PHACTR1: variants seen among roughly 807,000 people sequenced by gnomAD.
PHACTR1 encodes the protein RPEL repeat containing 1.
In PHACTR1, 16 loss-of-function variants were observed where a neutral mutation model predicts 69.2. The observed-to-expected ratio is 0.23, with a 90% CI of 0.16 to 0.35. The LOEUF is 0.35. Among genes scored for constraint, PHACTR1 ranks in the 10% least tolerant of loss-of-function variants. The pLI, the probability that PHACTR1 is intolerant of heterozygous loss-of-function variation, is 1.00. For synonymous variants in PHACTR1, 312 were observed against 284.5 expected, an observed-to-expected ratio of 1.10 and a Z score of -0.97; for missense variants, 510 against 734.7, an observed-to-expected ratio of 0.69 and a Z score of 3.54.
intron 4 of PHACTR1, among the ~76,000 whole-genome samples, chr6:12,757,032 G>GAT (rs1767408019): frequency 6.6e-6 from 1 of 152,134 alleles, no homozygotes; most frequent in South Asian, 2.1e-4. Flanking sequence ...AGAAACGTTA[G>GAT]ATATATCAGT....
rs144957184 is a variant in PHACTR1, at chr6:13,063,208, C to A, written c.415+9679C>A. Among the ~76,000 whole-genome samples the A allele has an allele frequency of 1.0e-3, 156 of 152,278 alleles. 2 individuals carry two copies. Among genetic ancestry groups the A allele is most frequent in the African/African-American group, 3.6e-3 (148 of 41,564 alleles). ...GCAACAGTGAGGACGGACATGGCCC[C>A]TACCTCCCAAAGGTTATGTCTTAAA... On this transcript the variant is annotated intron_variant, in intron 5 of 14. Coordinates refer to ENST00000332995, the MANE Select transcript of PHACTR1 (RefSeq NM_030948.6).
chr6:12,859,383 T>C (rs1020434061), intron 4 of PHACTR1, among the ~76,000 whole-genome samples: 8 of 152,226 alleles, frequency 5.3e-5, no homozygotes. Context: ...ATAAATATAG[T>C]ATATGTACAC....
chr6:13,028,433 T>C (rs1440003145), intron 4 of PHACTR1, among the ~76,000 whole-genome samples: 2 of 152,246 alleles, frequency 1.3e-5, no homozygotes, highest in Non-Finnish European at 2.9e-5. Context: ...TAAATTATTA[T>C]ATCAATCATA....
chr6:12,768,699 G>A (rs1768986913), intron 4 of PHACTR1, among the ~76,000 whole-genome samples: 2 of 152,006 alleles, frequency 1.3e-5, no homozygotes. Context: ...ATACCCAGAA[G>A]GGGAATGCTG....
chr6:12,970,954 A>G (rs1794130366), intron 4 of PHACTR1, among the ~76,000 whole-genome samples: 1 of 152,242 alleles, frequency 6.6e-6, no homozygotes, highest in South Asian at 2.1e-4. Context: ...AAAAACAATC[A>G]TCATTGCCAA....
At chr6:13,103,272 A>G (rs1387773409) in intron 5 of PHACTR1, among the ~76,000 whole-genome samples, 1 of 152,182 alleles carries the variant, frequency 6.6e-6, no homozygotes, top group Non-Finnish European at 1.5e-5. Flanking sequence ...TAGAGATGAG[A>G]TGACCACTCT....
intron 4 of PHACTR1, among the ~76,000 whole-genome samples, chr6:12,846,784 C>T (rs1239401075): frequency 2.6e-5 from 4 of 151,064 alleles, no homozygotes; most frequent in East Asian, 1.9e-4. Flanking sequence ...GTTTATATAC[C>T]ACTTAGCAAC....
At chr6:13,129,870 T>G (rs1244947261) in intron 5 of PHACTR1, among the ~76,000 whole-genome samples, 1 of 151,974 alleles carries the variant, frequency 6.6e-6, no homozygotes, top group Admixed American at 6.6e-5. Flanking sequence ...TTTTAATACA[T>G]GGAGCATTCT....
In PHACTR1 at chr6:13,205,981, T is replaced by G; in HGVS notation, c.831T>G (p.Thr277=). ...AGGGTGTGGCCCAGCACCACCACAC[T>G]GTCCTGCCCTCCCAGATCCAGCACC... The part of the protein sequence containing the change: ...GQQGVAQHHH[T]VLPSQIQHQL... Residue 277 remains threonine, a synonymous_variant, in exon 8 of 15, where the codon ACT becomes ACG. Coordinates refer to ENST00000332995, the MANE Select transcript of PHACTR1 (RefSeq NM_030948.6). 1 of 1,614,026 alleles carries G rather than the reference T, an allele frequency of 6.2e-7. No homozygotes were observed. Among genetic ancestry groups the G allele is most frequent in the African/African-American group, 1.3e-5 (1 of 75,048 alleles).
chr6:13,281,911 G>C (rs1780348891), intron 12 of PHACTR1, among the ~76,000 whole-genome samples: 1 of 152,258 alleles, frequency 6.6e-6, no homozygotes, highest in Non-Finnish European at 1.5e-5. Context: ...AGGGGGGCCG[G>C]CACCAGAGGC....
At chr6:13,184,911 C>A in intron 7 of PHACTR1, 1 of 1,366,616 alleles carries the variant, frequency 7.3e-7, no homozygotes, top group Non-Finnish European at 9.8e-7. Context: ...TCCCTGGAGA[C>A]CATGAAGAGA....
At chr6:13,050,238 C>G (rs906363978) in intron 4 of PHACTR1, among the ~76,000 whole-genome samples, 7 of 152,160 alleles carry the variant, frequency 4.6e-5, no homozygotes, top group Non-Finnish European at 8.8e-5. Context: ...GATTTGATTT[C>G]TTTTTTTATT....
At chr6:12,858,619 C>T (rs1421941988) in intron 4 of PHACTR1, among the ~76,000 whole-genome samples, 1 of 151,792 alleles carries the variant, frequency 6.6e-6, no homozygotes, top group African/African-American at 2.4e-5. Context: ...ATAGTGAGAC[C>T]CCCATCTCTA....
At chr6:12,798,629 G>A (rs562458164) in intron 4 of PHACTR1, among the ~76,000 whole-genome samples, 1 of 152,324 alleles carries the variant, frequency 6.6e-6, no homozygotes, top group East Asian at 1.9e-4. Flanking sequence ...CAGAAAGAGT[G>A]CACATCCTGC....
At chr6:12,760,871 T>G (rs1767950734) in intron 4 of PHACTR1, among the ~76,000 whole-genome samples, 1 of 152,168 alleles carries the variant, frequency 6.6e-6, no homozygotes, top group African/African-American at 2.4e-5. Context: ...AGGCGCAAGA[T>G]GAAGTGAGCT....
chr6:13,149,508 C>T (rs1017506809), intron 5 of PHACTR1, among the ~76,000 whole-genome samples: 1 of 152,148 alleles, frequency 6.6e-6, no homozygotes, highest in African/African-American at 2.4e-5. Flanking sequence ...AGTCTCATCT[C>T]GTACCTCATG....
At chr6:13,042,185 G>T (rs936081792) in intron 4 of PHACTR1, among the ~76,000 whole-genome samples, 4 of 152,296 alleles carry the variant, frequency 2.6e-5, no homozygotes, top group Middle Eastern at 3.4e-3. Flanking sequence ...CAAATGAAAT[G>T]TTATACCCCA....
intron 4 of PHACTR1, among the ~76,000 whole-genome samples, chr6:12,801,764 ATTAT>A (rs1773733884): frequency 6.6e-6 from 1 of 152,200 alleles, no homozygotes. Flanking sequence ...GCAAATGAGA[ATTAT>A]TTAATATAGC....
intron 4 of PHACTR1, among the ~76,000 whole-genome samples, chr6:12,973,690 G>A (rs1282857075): frequency 6.6e-6 from 1 of 152,148 alleles, no homozygotes; most frequent in African/African-American, 2.4e-5. Context: ...TGCCAGAGCT[G>A]TAAATTGTCA....
Sources: gnomAD v4.1 joint callset for allele counts (sites outside exome capture counted in the v4.1 genomes callset) on GRCh38, gnomAD v4.1.1 for gene constraint, MANE v1.5 for transcripts, NCBI Gene and HGNC (gene_info 2026-07-23, HGNC 2026-07-21) for gene names.